Variants in MTUS2 observed in about 807,000 individuals in gnomAD.
MTUS2 encodes microtubule-associated tumor suppressor candidate 2.
MTUS2 carries 40 observed loss-of-function variants against 114.1 expected under a neutral mutation model. The ratio of observed to expected loss-of-function variants is 0.35; its 90% confidence interval spans 0.27 to 0.46. The LOEUF (loss-of-function observed/expected upper bound fraction) is 0.46. MTUS2 is among the 20% of genes least tolerant of loss of function. The pLI, the probability that MTUS2 is intolerant of heterozygous loss-of-function variation, is 1.00. For synonymous variants in MTUS2, 688 were observed against 672.0 expected (o/e 1.02, Z -0.37); for missense variants, 1,679 against 1,705.4 (o/e 0.98, Z 0.27).
chr13:28,828,587 T>A (rs540908056), intron 1 of MTUS2, among the ~76,000 whole-genome samples: 7 of 152,284 alleles, frequency 4.6e-5, no homozygotes, highest in African/African-American at 1.4e-4. Flanking sequence ...TCTTTACAAT[T>A]TATGTTCTTC....
intron 5 of MTUS2, among the ~76,000 whole-genome samples, chr13:29,186,990 T>C (rs1379514119): frequency 1.3e-5 from 2 of 152,040 alleles, no homozygotes; most frequent in Non-Finnish European, 2.9e-5. Context: ...TATAGAAATT[T>C]AACACATTTC....
At chr13:29,272,192 T>A (rs1231630792) in intron 5 of MTUS2, among the ~76,000 whole-genome samples, 1 of 152,216 alleles carries the variant, frequency 6.6e-6, no homozygotes, top group East Asian at 1.9e-4. Flanking sequence ...GATACTTTAA[T>A]AATTAAACTA....
rs540406763 is a variant in MTUS2 at position 29,389,547 on chromosome 13, G to T, written c.3117+30074G>T. On this transcript the variant is annotated intron_variant, in intron 8 of 15. Coordinates refer to ENST00000612955, the MANE Select transcript of MTUS2 (RefSeq NM_001033602.4). ...TATATATGTATACACGTGTGTATAT[G>T]TATACACGTGTGTATATGTGTACAT... 3.6e-3 allele frequency among the ~76,000 whole-genome samples: 342 copies of T among 95,172 alleles called. 90 individuals carry two copies. The highest frequency in any genetic ancestry group is 0.014 in the Middle Eastern group (2 of 140). 62.4% of individuals were successfully genotyped at this position (95,172 alleles called of 152,430 possible). A position where few individuals can be genotyped will look rare whatever the true frequency, so the allele number is the denominator to read the frequency against.
At chr13:28,977,082 G>A (rs1056531008) in intron 2 of MTUS2, among the ~76,000 whole-genome samples, 3 of 152,064 alleles carry the variant, frequency 2.0e-5, no homozygotes, top group Admixed American at 1.3e-4. Flanking sequence ...GGGGAGTGAA[G>A]GAGAGGAATT....
intron 5 of MTUS2, among the ~76,000 whole-genome samples, chr13:29,220,522 A>C (rs909478470): frequency 1.3e-5 from 2 of 152,162 alleles, no homozygotes; most frequent in African/African-American, 2.4e-5. Flanking sequence ...GCCTAATTTC[A>C]ATATTGTTGT....
chr13:29,165,151 C>G (rs1470102868), intron 5 of MTUS2, among the ~76,000 whole-genome samples: 2 of 152,156 alleles, frequency 1.3e-5, no homozygotes, highest in African/African-American at 4.8e-5. Context: ...ACTCTCTTCA[C>G]TGAAATGGCC....
intron 7 of MTUS2, among the ~76,000 whole-genome samples, chr13:29,355,241 C>T (rs1325949891): frequency 4.6e-5 from 7 of 152,202 alleles, no homozygotes; most frequent in Non-Finnish European, 8.8e-5. Context: ...AGCCTTTGCA[C>T]GCAAACTGTT....
At chr13:28,837,253 A>G (rs1040833915) in intron 1 of MTUS2, among the ~76,000 whole-genome samples, 3 of 152,176 alleles carry the variant, frequency 2.0e-5, no homozygotes, top group Non-Finnish European at 2.9e-5. Flanking sequence ...TAACAAATCT[A>G]TGTTTAACAA....
intron 5 of MTUS2, among the ~76,000 whole-genome samples, chr13:29,122,005 A>G (rs1891331754): frequency 6.6e-6 from 1 of 152,184 alleles, no homozygotes; most frequent in Non-Finnish European, 1.5e-5. Flanking sequence ...TATTGTCAGA[A>G]TAAAAACATG....
At chr13:29,102,048 G>C (rs931271470) in intron 5 of MTUS2, among the ~76,000 whole-genome samples, 2 of 152,162 alleles carry the variant, frequency 1.3e-5, no homozygotes, top group African/African-American at 4.8e-5. Flanking sequence ...AGGTGCCGTA[G>C]CTGAGGCCTG....
intron 2 of MTUS2, among the ~76,000 whole-genome samples, chr13:28,905,950 C>T (rs1207977741): frequency 6.6e-6 from 1 of 151,570 alleles, no homozygotes; most frequent in Non-Finnish European, 1.5e-5. Flanking sequence ...TTGGTCTATT[C>T]AGAGATGCAA....
At position 28,922,557 on chromosome 13, in the gene MTUS2, G is replaced by A. The variant is rs191932004; in HGVS notation, c.-243+82707G>A. 8.9e-4 allele frequency among the ~76,000 whole-genome samples: 135 copies of A among 152,244 alleles called. 1 individual carries two copies. Among genetic ancestry groups the A allele is most frequent in the African/African-American group, 3.1e-3 (127 of 41,546 alleles). On this transcript the variant is annotated intron_variant, in intron 2 of 15. Coordinates refer to ENST00000612955, the MANE Select transcript of MTUS2 (RefSeq NM_001033602.4). Reference sequence around the variant, plus strand: ...TGCCTGGTCCAAATGCTCCCTCTCTGGGTGGGCATCTGCTGGGTGCGCTCC... The same window carrying A: ...TGCCTGGTCCAAATGCTCCCTCTCTAGGTGGGCATCTGCTGGGTGCGCTCC...
At chr13:29,300,333 C>A (rs535418834) in intron 6 of MTUS2, among the ~76,000 whole-genome samples, 1 of 152,292 alleles carries the variant, frequency 6.6e-6, no homozygotes, top group African/African-American at 2.4e-5. Flanking sequence ...AGCATATACA[C>A]ATATTGTATT....
At position 29,308,543 on chromosome 13, in the gene MTUS2, A is replaced by G. The variant is rs185113551; in HGVS notation, c.2807-16070A>G. 1.1e-3 allele frequency among the ~76,000 whole-genome samples: 166 copies of G among 152,328 alleles called. 1 individual carries two copies. Among genetic ancestry groups the G allele is most frequent in the Non-Finnish European group, 1.6e-3 (108 of 68,040 alleles). ...CCAAAAGCAATTGTGACTAAAGCAA[A>G]ACTTGACAAATGAGATCTAATTAAA... On this transcript the variant is annotated intron_variant, in intron 6 of 15. Coordinates refer to ENST00000612955, the MANE Select transcript of MTUS2 (RefSeq NM_001033602.4).
At chr13:29,147,503 G>A (rs1271845225) in intron 5 of MTUS2, among the ~76,000 whole-genome samples, 1 of 152,126 alleles carries the variant, frequency 6.6e-6, no homozygotes, top group Non-Finnish European at 1.5e-5. Context: ...ATTATGTGAT[G>A]CTGAGGATTG....
chr13:28,991,476 C>T (rs141274884), intron 2 of MTUS2, among the ~76,000 whole-genome samples: 2,690 of 151,492 alleles, frequency 0.018, 83 homozygotes, highest in African/African-American at 0.061. Context: ...TCACGCCATT[C>T]TCCTGCCTCA....
At chr13:29,389,355 A>ACACGTGTGTATGTATACACGTGTG (rs1566172568) in intron 8 of MTUS2, among the ~76,000 whole-genome samples, 1 of 82,662 alleles carries the variant, frequency 1.2e-5, no homozygotes, top group African/African-American at 6.3e-5. Context: ...GTGTGTGTAT[A>ACACGTGTGTATGTATACACGTGTG]TATGTATGCA....
chr13:29,241,137 C>T (rs1232681914), intron 5 of MTUS2, among the ~76,000 whole-genome samples: 2 of 152,294 alleles, frequency 1.3e-5, no homozygotes, highest in Non-Finnish European at 2.9e-5. Context: ...GACCCTTCAA[C>T]AGAGTTGAAA....
chr13:29,313,611 A>C (rs1002280486), intron 6 of MTUS2, among the ~76,000 whole-genome samples: 3 of 152,228 alleles, frequency 2.0e-5, no homozygotes, highest in African/African-American at 2.4e-5. Flanking sequence ...GAGTTCCATA[A>C]AAACAACAGA....
Sources: gnomAD v4.1 joint callset for allele counts (sites outside exome capture counted in the v4.1 genomes callset) on GRCh38, gnomAD v4.1.1 for gene constraint, MANE v1.5 for transcripts, NCBI Gene and HGNC (gene_info 2026-07-23, HGNC 2026-07-21) for gene names.